Variants in CDH12 observed in about 807,000 individuals in gnomAD.
CDH12 encodes the protein cadherin 12.
Under a neutral mutation model 74.1 loss-of-function variants are expected in CDH12, and 41 were observed. The observed-to-expected ratio is 0.55, with a 90% CI of 0.43 to 0.72. The LOEUF (loss-of-function observed/expected upper bound fraction) is 0.72. Among genes scored for constraint, CDH12 ranks in the 30% least tolerant of loss-of-function variants. CDH12 has a pLI of 0.00. For synonymous variants in CDH12, 399 were observed against 355.0 expected (o/e 1.12, Z -1.39); for missense variants, 945 against 977.2 (o/e 0.97, Z 0.44).
chr5:22,852,051 T>C (rs2126543816), intron 1 of CDH12, among the ~76,000 whole-genome samples: 1 of 152,272 alleles, frequency 6.6e-6, no homozygotes, highest in East Asian at 1.9e-4. Flanking sequence ...TGTAAACACA[T>C]TTTCAGAATC....
chr5:22,412,802 A>G (rs535067888), intron 2 of CDH12, among the ~76,000 whole-genome samples: 28 of 152,060 alleles, frequency 1.8e-4, no homozygotes, highest in African/African-American at 6.3e-4. Flanking sequence ...GCCAAAGGAC[A>G]TTTCCTCCAC....
At chr5:21,918,372 TA>T (rs1278787082) in intron 6 of CDH12, among the ~76,000 whole-genome samples, 1 of 152,136 alleles carries the variant, frequency 6.6e-6, no homozygotes, top group Non-Finnish European at 1.5e-5. Context: ...TATTTTTGTC[TA>T]AAAATCCTTT....
At chr5:22,284,562 C>T (rs989642269) in intron 3 of CDH12, among the ~76,000 whole-genome samples, 7 of 152,144 alleles carry the variant, frequency 4.6e-5, no homozygotes, top group African/African-American at 1.7e-4. Context: ...TGGCAGCTTG[C>T]TTCATCAAAG....
At chr5:22,462,446 G>C (rs1469938884) in intron 2 of CDH12, among the ~76,000 whole-genome samples, 2 of 152,152 alleles carry the variant, frequency 1.3e-5, no homozygotes, top group Non-Finnish European at 2.9e-5. Flanking sequence ...TAAGAGGAGA[G>C]TTTCCATTTT....
intron 1 of CDH12, among the ~76,000 whole-genome samples, chr5:22,527,988 C>T (rs1186213539): frequency 2.0e-5 from 3 of 152,114 alleles, no homozygotes; most frequent in Non-Finnish European, 2.9e-5. Context: ...ATATCCATTT[C>T]CACATGTTTC....
intron 1 of CDH12, among the ~76,000 whole-genome samples, chr5:22,623,847 G>A (rs1193706808): frequency 5.3e-5 from 8 of 152,168 alleles, no homozygotes; most frequent in African/African-American, 1.2e-4. Flanking sequence ...AAAAGAGCCC[G>A]CATTGCCAAG....
chr5:22,800,741 T>C (rs1267697556), intron 1 of CDH12, among the ~76,000 whole-genome samples: 1 of 152,312 alleles, frequency 6.6e-6, no homozygotes, highest in Non-Finnish European at 1.5e-5. Flanking sequence ...CTGAACTTTT[T>C]ATTGTCTCTG....
At chr5:22,209,690 C>T (rs867757574) in intron 4 of CDH12, among the ~76,000 whole-genome samples, 11 of 150,856 alleles carry the variant, frequency 7.3e-5, no homozygotes, top group Middle Eastern at 3.2e-3. Context: ...ACTAAAAGAA[C>T]AAAGTACATG....
At chr5:22,454,904 AT>A (rs1320318725) in intron 2 of CDH12, among the ~76,000 whole-genome samples, 2 of 152,186 alleles carry the variant, frequency 1.3e-5, no homozygotes, top group Non-Finnish European at 1.5e-5. Context: ...GCTTCAACAT[AT>A]GAATCTGGAA....
intron 1 of CDH12, among the ~76,000 whole-genome samples, chr5:22,591,927 G>C (rs1313718630): frequency 6.6e-6 from 1 of 151,990 alleles, no homozygotes; most frequent in Non-Finnish European, 1.5e-5. Flanking sequence ...GCTTCCTTGA[G>C]ATATCATTTA....
At position 22,420,708 on chromosome 5, in the gene CDH12, G is replaced by C. The variant is rs531067039; in HGVS notation, c.-427-15357C>G. Among the ~76,000 whole-genome samples the C allele has an allele frequency of 6.6e-5, 10 of 152,214 alleles. No individual in the cohort carries two copies. The South Asian group carries it at 2.1e-3, about 32-fold the overall frequency. Reference sequence around the variant, plus strand: ...CTTTTAAACTATTAATTTTAAAGTAGTTTTTTATAAGTCTGTGAAGAATGT... The same window carrying C: ...CTTTTAAACTATTAATTTTAAAGTACTTTTTTATAAGTCTGTGAAGAATGT... On this transcript the variant is annotated intron_variant, in intron 2 of 14. Transcript: ENST00000382254.
intron 8 of CDH12, among the ~76,000 whole-genome samples, chr5:21,832,764 GATATATATTATATTAATATATATCATATA>G (rs1749099027): frequency 8.0e-6 from 1 of 125,600 alleles, no homozygotes; most frequent in Non-Finnish European, 1.6e-5. Flanking sequence ...TCATATATAT[GATATATATTATATTAATATATATCATATA>G]ATATATATAT....
chr5:22,668,069 A>T (rs904338804), intron 1 of CDH12, among the ~76,000 whole-genome samples: 1 of 152,142 alleles, frequency 6.6e-6, no homozygotes, highest in Non-Finnish European at 1.5e-5. Context: ...CCACTTTGTC[A>T]TTTTTTCAAT....
At chr5:22,531,646 T>A (rs985985857) in intron 1 of CDH12, among the ~76,000 whole-genome samples, 25 of 152,112 alleles carry the variant, frequency 1.6e-4, no homozygotes, top group Non-Finnish European at 2.5e-4. Flanking sequence ...GTATTTTTTA[T>A]AAAATATTAG....
At chr5:22,509,907 G>A (rs1457107454) in intron 1 of CDH12, among the ~76,000 whole-genome samples, 2 of 151,848 alleles carry the variant, frequency 1.3e-5, no homozygotes, top group Non-Finnish European at 2.9e-5. Context: ...TATAAAGCAT[G>A]GTATAGCACT....
intron 1 of CDH12, among the ~76,000 whole-genome samples, chr5:22,732,883 G>T (rs1429745417): frequency 6.6e-6 from 1 of 151,846 alleles, no homozygotes; most frequent in Non-Finnish European, 1.5e-5. Context: ...CACCCAGTTT[G>T]TGGTACTGAT....
chr5:22,345,709 A>G (rs1740079272), intron 3 of CDH12, among the ~76,000 whole-genome samples: 1 of 152,194 alleles, frequency 6.6e-6, no homozygotes, highest in South Asian at 2.1e-4. Flanking sequence ...ACTTTTTAAA[A>G]GAAAATATTT....
At chr5:22,182,700 G>A (rs2150338907) in intron 4 of CDH12, among the ~76,000 whole-genome samples, 1 of 152,304 alleles carries the variant, frequency 6.6e-6, no homozygotes, top group Non-Finnish European at 1.5e-5. Context: ...AGAAGGCACA[G>A]CAGTTGGGTT....
chr5:21,909,464 A>T (rs957671499), intron 6 of CDH12, among the ~76,000 whole-genome samples: 12 of 152,174 alleles, frequency 7.9e-5, no homozygotes, highest in African/African-American at 2.7e-4. Context: ...TGCATTGTTC[A>T]TTAGTGAGAA....
Sources: allele counts gnomAD v4.1 joint callset (sites outside exome capture counted in the v4.1 genomes callset), GRCh38; gene constraint gnomAD v4.1.1; transcripts MANE v1.5; gene names NCBI Gene and HGNC (gene_info 2026-07-23, HGNC 2026-07-21).